Variants in ZNF800 observed in about 807,000 individuals in gnomAD.
ZNF800 encodes the protein zinc finger protein 800.
ZNF800 carries 13 observed loss-of-function variants against 59.5 expected under a neutral mutation model. The observed-to-expected ratio is 0.22, with a 90% confidence interval of 0.14 to 0.35. The LOEUF (loss-of-function observed/expected upper bound fraction) is 0.35, where lower values mean the gene tolerates loss of function less well. Among genes scored for constraint, ZNF800 ranks in the 10% least tolerant of loss-of-function variants. ZNF800 has a pLI of 1.00. For missense variants in ZNF800, 621 were observed against 783.7 expected, an observed-to-expected ratio of 0.79 and a Z score of 2.48; for synonymous variants, 266 against 265.7, an observed-to-expected ratio of 1.00 and a Z score of -0.01.
At chr7:127,371,941 AC>A (rs765947425) in intron 5 of ZNF800, 127 bp from the exon 6 acceptor site, 111 of 595,814 alleles carry the variant, frequency 1.9e-4, no homozygotes, top group African/African-American at 2.5e-4. Flanking sequence ...AAATAAAAAA[AC>A]GTGTGATAAT....
At chr7:127,348,571 A>G (rs1339211761) in intron 1 of ZNF800, among the ~76,000 whole-genome samples, 2 of 152,266 alleles carry the variant, frequency 1.3e-5, no homozygotes, top group East Asian at 1.9e-4. Context: ...AATTGATACT[A>G]TATGCAATGA....
At chr7:127,380,123 GT>G (rs1383011808) in intron 3 of ZNF800, among the ~76,000 whole-genome samples, 1 of 151,708 alleles carries the variant, frequency 6.6e-6, no homozygotes, top group Non-Finnish European at 1.5e-5. Flanking sequence ...TCAACCTCTT[GT>G]TTTTTGTTGT....
chr7:127,389,444 C>T (rs1413819615), intron 2 of ZNF800, among the ~76,000 whole-genome samples: 6 of 152,174 alleles, frequency 3.9e-5, no homozygotes, highest in African/African-American at 1.2e-4. Flanking sequence ...CCTCTGGAGA[C>T]TCACCCAGTA....
rs537195183 is a variant in ZNF800, at chr7:127,390,192, A to G, written c.61+1305T>C. On this transcript the variant is annotated intron_variant, in intron 2 of 5. Transcript: ENST00000265827. ...GTTCTCAGAAAAAAAAAACTAGACT[A>G]AAAGGTCAGTGGAACATGAGTTTAA... Among the ~76,000 whole-genome samples the G allele has an allele frequency of 1.2e-3, 176 of 152,312 alleles. No individual in the cohort carries two copies. In the Middle Eastern group the frequency reaches 0.017, roughly 15 times the overall value.
At chr7:127,353,558 A>G (rs987321829) in intron 1 of ZNF800, among the ~76,000 whole-genome samples, 2 of 152,156 alleles carry the variant, frequency 1.3e-5, no homozygotes, top group African/African-American at 4.8e-5. Flanking sequence ...CAATGGTTGG[A>G]GTCTAATAGT....
At chr7:127,382,034 G>A (rs1431605708) in intron 3 of ZNF800, among the ~76,000 whole-genome samples, 1 of 151,970 alleles carries the variant, frequency 6.6e-6, no homozygotes, top group Non-Finnish European at 1.5e-5. Context: ...TACAATTAAA[G>A]TTACAATTTA....
chr7:127,360,617 T>C (rs989810224), intron 1 of ZNF800: 23 of 152,056 alleles, frequency 1.5e-4, no homozygotes, highest in African/African-American at 5.3e-4. Flanking sequence ...TAGCACATAA[T>C]ACTGCTTGTG....
At position 127,377,938 on chromosome 7, in the gene ZNF800, T is replaced by TA. The variant is rs1800832481; in HGVS notation, c.158-610dup. Among the ~76,000 whole-genome samples the TA allele has an allele frequency of 6.6e-6, 1 of 152,062 alleles. No homozygotes were observed. Among genetic ancestry groups the TA allele is most frequent in the Non-Finnish European group, 1.5e-5 (1 of 67,944 alleles). On this transcript the variant is annotated intron_variant, in intron 3 of 5. Transcript: ENST00000265827. This position sits in a 1 kb window ranked among gnomAD's most constrained non-coding sequence, Gnocchi z 4.7. ...CTATTTAGCGTGATTCTCTACGAAG[T>TA]AGAGAATCTTTGTCTATACTGAGAC...
At chr7:127,346,755 G>C (rs1420785742), downstream of ZNF800, 1 of 152,446 alleles carries the variant, frequency 6.6e-6, no homozygotes, top group Non-Finnish European at 1.5e-5. Context: ...GGGAACTCCT[G>C]TGAAGGATAA....
In ZNF800 at chr7:127,374,639, A is replaced by G; in HGVS notation, c.697T>C (p.Cys233Arg). ...GAATTGAATTCTTTTCTACAAAGAC[A>G]ACATATCAACTGGTGACCAAAATCA... ...NSDFGHQLIC[C>R]LCRKEFNSRR... is the part of the protein sequence containing the mutation. The change falls in exon 5 of 6, where the codon TGT becomes CGT. Residue 233 changes from cysteine to arginine, a missense_variant. Around this residue, in one of 7 missense-constraint regions of ZNF800, gnomAD observed 218 missense variants for 230.8 expected, o/e 0.94. Coordinates refer to ENST00000265827, the MANE Select transcript of ZNF800 (RefSeq NM_176814.5). 4 of 1,614,094 alleles carry G rather than the reference A, an allele frequency of 2.5e-6. No individual in the cohort carries two copies. The highest frequency in any genetic ancestry group is 3.4e-6 in the Non-Finnish European group (4 of 1,179,950).
At chr7:127,368,109 T>C (rs1405646687), downstream of ZNF800, among the ~76,000 whole-genome samples, 1 of 152,230 alleles carries the variant, frequency 6.6e-6, no homozygotes, top group South Asian at 2.1e-4. Context: ...TTGGTACTAA[T>C]GATTTCTATT....
chr7:127,361,667 T>G (rs1800396019), intron 1 of ZNF800: 1 of 152,146 alleles, frequency 6.6e-6, no homozygotes, highest in African/African-American at 2.4e-5. Flanking sequence ...AGATCCTAAA[T>G]GTTTACTACA....
chr7:127,387,159 A>C (rs1801161199), intron 2 of ZNF800, among the ~76,000 whole-genome samples: 1 of 152,202 alleles, frequency 6.6e-6, no homozygotes, highest in Admixed American at 6.5e-5. Flanking sequence ...GATACATAAT[A>C]AATTACAGTA....
intron 2 of ZNF800, among the ~76,000 whole-genome samples, chr7:127,387,439 C>T (rs1801172276): frequency 6.6e-6 from 1 of 152,238 alleles, no homozygotes; most frequent in Non-Finnish European, 1.5e-5. Context: ...AACTAGCCTA[C>T]TGTGCTATGT....
intron 2 of ZNF800, among the ~76,000 whole-genome samples, chr7:127,387,186 CAG>C (rs1801162122): frequency 6.6e-6 from 1 of 152,070 alleles, no homozygotes; most frequent in Non-Finnish European, 1.5e-5. Flanking sequence ...ATAAAGACAA[CAG>C]AAAAGGAAAA....
At chr7:127,382,466 A>C (rs755045812) in intron 3 of ZNF800, among the ~76,000 whole-genome samples, 3 of 152,176 alleles carry the variant, frequency 2.0e-5, no homozygotes, top group Non-Finnish European at 4.4e-5. Context: ...TGAAAGTGTT[A>C]TAGAGAGGAG....
chr7:127,368,908 A>G (rs977084962), downstream of ZNF800, among the ~76,000 whole-genome samples: 1 of 152,082 alleles, frequency 6.6e-6, no homozygotes, highest in African/African-American at 2.4e-5. Context: ...AACCTGTGTC[A>G]ACCAAAAACT....
intron 1 of ZNF800, among the ~76,000 whole-genome samples, chr7:127,355,250 A>T (rs10235028): frequency 0.62 from 94,217 of 151,744 alleles, 29,675 homozygotes; most frequent in East Asian, 0.86. Context: ...AGCTTAGACC[A>T]GGAAAAATAG....
At chr7:127,352,586 G>T (rs982498284) in intron 1 of ZNF800, among the ~76,000 whole-genome samples, 1 of 152,184 alleles carries the variant, frequency 6.6e-6, no homozygotes, top group African/African-American at 2.4e-5. Flanking sequence ...GCAACCTTCT[G>T]ATTATAATTT....
Sources: gnomAD v4.1 joint callset for allele counts (sites outside exome capture counted in the v4.1 genomes callset) on GRCh38, gnomAD v4.1.1 for gene constraint, gnomAD v4.1.1 regional missense constraint, Gnocchi (gnomAD v3.1) non-coding constraint, MANE v1.5 for transcripts, NCBI Gene and HGNC (gene_info 2026-07-23, HGNC 2026-07-21) for gene names.